The following RCN2 variants were observed in gnomAD, a reference collection of about 807,000 sequenced individuals.
RCN2 encodes the protein reticulocalbin 2, also known as reticulocalbin-2.
RCN2 carries 23 observed loss-of-function variants against 37.5 expected under a neutral mutation model. That is an observed-to-expected ratio of 0.61 (90% CI 0.44 to 0.87). The LOEUF is 0.87. RCN2 is among the 40% of genes least tolerant of loss of function. The probability of loss-of-function intolerance (pLI) is 0.00; values close to 1 mark genes in which losing one functional copy is unlikely to be tolerated. For synonymous variants in RCN2, 140 were observed against 144.6 expected, an observed-to-expected ratio of 0.97 and a Z score of 0.23; for missense variants, 381 against 390.4, an observed-to-expected ratio of 0.98 and a Z score of 0.20.
rs200785219 is a variant in RCN2 at position 76,935,491 on chromosome 15, C to T, written c.251-35C>T. 1.9e-5 allele frequency: 29 copies of T among 1,517,914 alleles called. No individual in the cohort carries two copies. The East Asian group carries it at 2.0e-4, about 11-fold the overall frequency. The allele number at this position is 1,517,914 out of a possible 1,614,324, so 94.0% of individuals were successfully genotyped here. A position where few individuals can be genotyped will look rare whatever the true frequency, so the allele number is the denominator to read the frequency against. On this transcript the variant is annotated intron_variant, in intron 2 of 6. Coordinates refer to ENST00000394885, the MANE Select transcript of RCN2 (RefSeq NM_002902.3). ...CCTTACTCTTAAGTATCAGAATTAACGTCACATGCGTTGTGTTCTGGGAAA... is the reference window on the plus strand; with the variant it reads ...CCTTACTCTTAAGTATCAGAATTAATGTCACATGCGTTGTGTTCTGGGAAA...
chr15:76,937,032 G>A (rs746819520), intron 3 of RCN2, among the ~76,000 whole-genome samples: 10 of 152,098 alleles, frequency 6.6e-5, no homozygotes, highest in Non-Finnish European at 1.3e-4. Flanking sequence ...AGAATCATAC[G>A]CCGTATTTGT....
chr15:76,941,807 C>G, intron 3 of RCN2: 1 of 531,828 alleles, frequency 1.9e-6, no homozygotes, highest in Non-Finnish European at 3.1e-6. Context: ...GAGATCCTTT[C>G]TTTCCATAGG....
rs938394152 is a variant in RCN2, at chr15:76,931,822, G to A, written c.-20G>A. 1 of 1,215,552 alleles carries A rather than the reference G, an allele frequency of 8.2e-7. No individual in the cohort carries two copies. The highest frequency in any genetic ancestry group is 1.6e-5 in the African/African-American group (1 of 63,014). 75.3% of individuals were successfully genotyped at this position (1,215,552 alleles called of 1,614,324 possible). On this transcript the variant is annotated 5_prime_UTR_variant, in exon 1 of 7. Transcript: ENST00000394885. ...AGCCTCCCTCCTCGCGTCCCTCGGT[G>A]TCCTCCGCGGGCCGGCGCGATGCGG... is the stretch of plus-strand genomic sequence containing the variant.
intron 3 of RCN2, among the ~76,000 whole-genome samples, chr15:76,940,950 A>G (rs998635581): frequency 3.9e-5 from 6 of 152,164 alleles, no homozygotes; most frequent in Non-Finnish European, 7.3e-5. Flanking sequence ...GCATTTCTTT[A>G]TAATATAAAG....
chr15:76,937,932 A>C (rs1460729458), intron 3 of RCN2, among the ~76,000 whole-genome samples: 1 of 152,214 alleles, frequency 6.6e-6, no homozygotes, highest in African/African-American at 2.4e-5. Flanking sequence ...TTTGTATTTC[A>C]AAGCTAATTT....
intron 3 of RCN2, chr15:76,943,049 G>T (rs1417066977): frequency 2.0e-5 from 3 of 152,096 alleles, no homozygotes; most frequent in African/African-American, 7.2e-5. Flanking sequence ...ATGTATTTTT[G>T]AAAAGTCACT....
At chr15:76,947,614 T>C (rs1001837905) in intron 5 of RCN2, 97 bp downstream of exon 5, 60 of 778,012 alleles carry the variant, frequency 7.7e-5, no homozygotes, top group Non-Finnish European at 1.1e-4. Context: ...ACAGGAAATG[T>C]AATGAGGATC....
intron 6 of RCN2, 33 bp from the exon 7 acceptor site, chr15:76,949,037 T>C (rs1417302287): frequency 4.5e-6 from 7 of 1,556,940 alleles, no homozygotes; most frequent in African/African-American, 1.4e-5. Flanking sequence ...AAAATACTTA[T>C]TACACTTGAC....
chr15:76,951,475 A>G lies in RCN2; in HGVS notation c.*2253A>G, dbSNP rs1200151439. Reference sequence around the variant, plus strand: ...AATAAGCTTTTAATTATGTTAAGCCACTGAGATTTGGTTGTGCTTTTTTGT... The same window carrying G: ...AATAAGCTTTTAATTATGTTAAGCCGCTGAGATTTGGTTGTGCTTTTTTGT... On this transcript the variant is annotated 3_prime_UTR_variant, in exon 7 of 7. Coordinates refer to ENST00000394885, the MANE Select transcript of RCN2 (RefSeq NM_002902.3). 6.6e-6 allele frequency: 1 copy of G among 152,204 alleles called. No individual in the cohort carries two copies. Among genetic ancestry groups the G allele is most frequent in the African/African-American group, 2.4e-5 (1 of 41,450 alleles). The allele number at this position is 152,204 out of a possible 1,614,324, so 9.4% of individuals were successfully genotyped here.
rs909144466 is a variant in RCN2 at position 76,931,766 on chromosome 15, C to T, written c.-76C>T. ...CGCACCGCCTCTCTGTAGCCGCCCG[C>T]GGAGCATCGCAGCCGGCCCGGGCCC... On this transcript the variant is annotated 5_prime_UTR_variant, in exon 1 of 7. Coordinates refer to ENST00000394885, the MANE Select transcript of RCN2 (RefSeq NM_002902.3). 2.7e-6 allele frequency: 3 copies of T among 1,115,620 alleles called. No homozygotes were observed. Among genetic ancestry groups the T allele is most frequent in the South Asian group, 4.3e-5 (1 of 23,182 alleles). 69.1% of individuals were successfully genotyped at this position (1,115,620 alleles called of 1,614,324 possible). A position where few individuals can be genotyped will look rare whatever the true frequency, so the allele number is the denominator to read the frequency against.
rs780700953 is a variant in RCN2, at chr15:76,932,485, G to A, written c.250+19G>A. On this transcript the variant is annotated intron_variant, in intron 2 of 6. Coordinates refer to ENST00000394885, the MANE Select transcript of RCN2 (RefSeq NM_002902.3). The stretch of plus-strand genomic sequence containing the variant: ...ACTGAAAGTAAGGACTGCCCTACAC[G>A]ACTAACAATGGAGACAAACACAAAT... 4.7e-6 allele frequency: 7 copies of A among 1,479,758 alleles called. No homozygotes were observed. Among genetic ancestry groups the A allele is most frequent in the Admixed American group, 1.7e-5 (1 of 59,598 alleles). The allele number at this position is 1,479,758 out of a possible 1,614,324, so 91.7% of individuals were successfully genotyped here. A position where few individuals can be genotyped will look rare whatever the true frequency, so the allele number is the denominator to read the frequency against.
intron 3 of RCN2, chr15:76,938,708 C>T: frequency 2.2e-6 from 1 of 455,412 alleles, no homozygotes; most frequent in South Asian, 1.5e-5. Context: ...TTGGTTAATT[C>T]TCTGCTAATA....
At chr15:76,941,927 A>G (rs2075278031) in intron 3 of RCN2, 2 of 334,718 alleles carry the variant, frequency 6.0e-6, no homozygotes, top group South Asian at 2.6e-4. Flanking sequence ...ATAATGGTTT[A>G]TTCAAAAAGA....
intron 2 of RCN2, among the ~76,000 whole-genome samples, chr15:76,933,258 C>T (rs1180941140): frequency 6.6e-6 from 1 of 152,222 alleles, no homozygotes; most frequent in African/African-American, 2.4e-5. Flanking sequence ...GTTATTGTGA[C>T]TCTTAAGTTA....
chr15:76,938,542 C>G (rs2075262635), intron 3 of RCN2, among the ~76,000 whole-genome samples: 1 of 152,166 alleles, frequency 6.6e-6, no homozygotes, highest in Admixed American at 6.5e-5. Context: ...CAGTGTTGTG[C>G]AGCTAATCCC....
intron 4 of RCN2, 113 bp downstream of exon 4, chr15:76,943,984 CTTTTTTTTTTTT>C (rs11361216): frequency 2.3e-4 from 22 of 96,416 alleles, no homozygotes; most frequent in Middle Eastern, 7.7e-3. Context: ...ATACATGAGA[CTTTTTTTTTTTT>C]TTTTTTTTTT....
chr15:76,943,940 T>TTG (rs2075285429), intron 4 of RCN2, 69 bp downstream of exon 4: 2 of 825,522 alleles, frequency 2.4e-6, no homozygotes, highest in African/African-American at 3.5e-5. Flanking sequence ...TTTAAAATTT[T>TTG]TGTGGGTACA....
At chr15:76,933,463 A>G (rs1029131724) in intron 2 of RCN2, among the ~76,000 whole-genome samples, 5 of 152,338 alleles carry the variant, frequency 3.3e-5, no homozygotes, top group Admixed American at 2.0e-4. Flanking sequence ...TGATTATCCA[A>G]TCTAAGAATA....
At chr15:76,942,342 A>G (rs2075279510) in intron 3 of RCN2, 1 of 152,244 alleles carries the variant, frequency 6.6e-6, no homozygotes, top group African/African-American at 2.4e-5. Context: ...AGTTTAATAC[A>G]TATCAGTTTA....
Sources: allele counts gnomAD v4.1 joint callset (sites outside exome capture counted in the v4.1 genomes callset), GRCh38; gene constraint gnomAD v4.1.1; transcripts MANE v1.5; gene names NCBI Gene and HGNC (gene_info 2026-07-23, HGNC 2026-07-21).